Variants in ITPR2 observed in about 807,000 individuals in gnomAD.
The protein encoded by ITPR2 is inositol 1,4,5-trisphosphate receptor type 2.
ITPR2 carries 207 observed loss-of-function variants against 317.1 expected under a neutral mutation model. The observed-to-expected ratio is 0.65, with a 90% CI of 0.58 to 0.73. The LOEUF is 0.73. ITPR2 is among the 30% of genes least tolerant of loss of function. The probability of loss-of-function intolerance (pLI) is 0.00; values close to 1 mark genes in which losing one functional copy is unlikely to be tolerated. For missense variants in ITPR2, 2,613 were observed against 3,284.0 expected, an observed-to-expected ratio of 0.80 and a Z score of 4.99; for synonymous variants, 1,156 against 1,149.1, an observed-to-expected ratio of 1.01 and a Z score of -0.12.
At chr12:26,644,727 C>A (rs1032602688) in intron 21 of ITPR2, among the ~76,000 whole-genome samples, 7 of 152,140 alleles carry the variant, frequency 4.6e-5, no homozygotes, top group Non-Finnish European at 7.3e-5. Context: ...AGGCCCCTCC[C>A]ATGACACGTG....
At chr12:26,766,640 A>AT (rs1158673049) in intron 2 of ITPR2, among the ~76,000 whole-genome samples, 1 of 151,952 alleles carries the variant, frequency 6.6e-6, no homozygotes, top group Non-Finnish European at 1.5e-5. Context: ...CAGTTTATCC[A>AT]TTTTTTTCTT....
intron 5 of ITPR2, among the ~76,000 whole-genome samples, chr12:26,718,203 A>T (rs556233354): frequency 6.7e-6 from 1 of 149,186 alleles, no homozygotes; most frequent in South Asian, 2.1e-4. Flanking sequence ...CCCTCCCCTC[A>T]CCCCCCACCC....
intron 13 of ITPR2, among the ~76,000 whole-genome samples, chr12:26,670,255 T>A (rs1300193480): frequency 6.6e-6 from 1 of 152,248 alleles, no homozygotes; most frequent in East Asian, 1.9e-4. Context: ...CTCAAGTGGG[T>A]CCCTGACCCC....
intron 55 of ITPR2, among the ~76,000 whole-genome samples, chr12:26,349,837 T>C (rs1360245648): frequency 6.6e-6 from 1 of 152,148 alleles, no homozygotes; most frequent in Non-Finnish European, 1.5e-5. Flanking sequence ...TTGCTCCCAA[T>C]GGCAGAGGGA....
intron 45 of ITPR2, among the ~76,000 whole-genome samples, chr12:26,444,025 A>G (rs531410142): frequency 6.6e-6 from 1 of 152,286 alleles, no homozygotes; most frequent in Admixed American, 6.5e-5. Flanking sequence ...TGTTTTTCCT[A>G]TACACACATA....
chr12:26,604,490 C>T (rs1946077665), intron 26 of ITPR2, among the ~76,000 whole-genome samples: 1 of 152,174 alleles, frequency 6.6e-6, no homozygotes, highest in Non-Finnish European at 1.5e-5. Flanking sequence ...CCTCTTCTCC[C>T]TGCTTCATCC....
intron 9 of ITPR2, among the ~76,000 whole-genome samples, chr12:26,710,697 A>C (rs1235812330): frequency 6.6e-6 from 1 of 152,204 alleles, no homozygotes; most frequent in Non-Finnish European, 1.5e-5. Context: ...GTACGTTTTT[A>C]CCATTTTATT....
chr12:26,800,946 G>T, intron 1 of ITPR2: 2 of 162,456 alleles, frequency 1.2e-5, no homozygotes, highest in South Asian at 3.3e-4. Flanking sequence ...CTGATTGAGA[G>T]ACCACTCGAG....
intron 10 of ITPR2, 91 bp downstream of exon 10, chr12:26,695,515 G>A: frequency 9.4e-7 from 1 of 1,066,542 alleles, no homozygotes; most frequent in Middle Eastern, 2.2e-4. Flanking sequence ...TGAGCCCCTA[G>A]TCTTCAAATT....
At chr12:26,742,956 AT>A (rs1949259254) in intron 2 of ITPR2, among the ~76,000 whole-genome samples, 1 of 152,200 alleles carries the variant, frequency 6.6e-6, no homozygotes, top group Non-Finnish European at 1.5e-5. Context: ...GAATAGGCAA[AT>A]GTATACAGAT....
chr12:26,635,720 AT>A (rs1253327631), intron 21 of ITPR2, among the ~76,000 whole-genome samples: 19 of 152,340 alleles, frequency 1.2e-4, no homozygotes, highest in African/African-American at 3.6e-4. Flanking sequence ...AAGTCTTCCT[AT>A]TTCCCATCCC....
intron 2 of ITPR2, among the ~76,000 whole-genome samples, chr12:26,763,608 TGTAA>T (rs1949673669): frequency 6.6e-6 from 1 of 152,146 alleles, no homozygotes; most frequent in Non-Finnish European, 1.5e-5. Flanking sequence ...GAGGCACTTG[TGTAA>T]TTTTTATTTC....
intron 55 of ITPR2, among the ~76,000 whole-genome samples, chr12:26,365,404 A>AT (rs1195857859): frequency 3.3e-5 from 5 of 151,998 alleles, no homozygotes; most frequent in Admixed American, 2.6e-4. Context: ...CTGAAACTGT[A>AT]TTTTTTTCTC....
At chr12:26,697,274 C>T (rs945648586) in intron 9 of ITPR2, among the ~76,000 whole-genome samples, 1 of 152,044 alleles carries the variant, frequency 6.6e-6, no homozygotes. Flanking sequence ...TGGTTCTGCA[C>T]AGAGCTCACT....
chr12:26,447,027 T>C (rs1488348224), intron 45 of ITPR2, among the ~76,000 whole-genome samples: 1 of 151,306 alleles, frequency 6.6e-6, no homozygotes, highest in Admixed American at 6.6e-5. Flanking sequence ...TTTCTCATAT[T>C]GTATCTGAGT....
intron 54 of ITPR2, among the ~76,000 whole-genome samples, chr12:26,387,904 T>C (rs1343670711): frequency 1.3e-5 from 2 of 152,190 alleles, no homozygotes; most frequent in Admixed American, 1.3e-4. Flanking sequence ...AATTAAACTG[T>C]ACCACAAGTC....
At chr12:26,475,090 G>A (rs1440645588) in intron 45 of ITPR2, among the ~76,000 whole-genome samples, 1 of 152,132 alleles carries the variant, frequency 6.6e-6, no homozygotes, top group South Asian at 2.1e-4. Flanking sequence ...TGGGTACCAA[G>A]CACTCTTTTC....
At chr12:26,405,505 G>A (rs989635166) in intron 52 of ITPR2, among the ~76,000 whole-genome samples, 1 of 152,114 alleles carries the variant, frequency 6.6e-6, no homozygotes, top group Non-Finnish European at 1.5e-5. Flanking sequence ...TTATATGAGG[G>A]AAGGAATACA....
intron 2 of ITPR2, among the ~76,000 whole-genome samples, chr12:26,788,372 T>A (rs1000980363): frequency 1.3e-5 from 2 of 152,330 alleles, no homozygotes; most frequent in African/African-American, 4.8e-5. Flanking sequence ...TCGAAGCAGG[T>A]AGGTGACCTA....
Sources: gnomAD v4.1 joint callset for allele counts (sites outside exome capture counted in the v4.1 genomes callset) on GRCh38, gnomAD v4.1.1 for gene constraint, MANE v1.5 for transcripts, NCBI Gene and HGNC (gene_info 2026-07-23, HGNC 2026-07-21) for gene names.